Variants in KCNQ1 observed in about 807,000 individuals in gnomAD.
The protein encoded by KCNQ1 is potassium voltage-gated channel subfamily Q member 1.
In KCNQ1, 49 loss-of-function variants were observed where a neutral mutation model predicts 72.4. The observed-to-expected ratio is 0.68, with a 90% CI of 0.54 to 0.86. The LOEUF (loss-of-function observed/expected upper bound fraction) is 0.86. KCNQ1 is among the 40% of genes least tolerant of loss of function. The pLI is 0.00. For synonymous variants in KCNQ1, 450 were observed against 412.6 expected, an observed-to-expected ratio of 1.09 and a Z score of -1.10; for missense variants, 790 against 945.1, an observed-to-expected ratio of 0.84 and a Z score of 2.15.
rs34514246 is a variant in KCNQ1, at chr11:2,651,202, C to CA, written c.1394-10758dup. On this transcript the variant is annotated intron_variant, in intron 10 of 15. Coordinates refer to ENST00000155840, the MANE Select transcript of KCNQ1 (RefSeq NM_000218.3). The surrounding 1 kb of genome is among the most constrained non-coding windows in gnomAD (Gnocchi z 6.1). The stretch of plus-strand genomic sequence containing the variant: ...CTCAAATGTTCCGACAGCTTCCTGT[C>CA]ACCCTGTCTTGTGTCAGTCTCACAG... The CA allele has an allele frequency of 0.094, 37,352 of 398,644 alleles. 1,985 individuals are homozygous for CA. The highest frequency in any genetic ancestry group is 0.15 in the Middle Eastern group (237 of 1,588). The allele number at this position is 398,644 out of a possible 1,614,324, so 24.7% of individuals were successfully genotyped here. A position where few individuals can be genotyped will look rare whatever the true frequency, so the allele number is the denominator to read the frequency against.
In KCNQ1 at chr11:2,483,770, G is replaced by A. The variant is rs138003222; in HGVS notation, c.386+38286G>A. On this transcript the variant is annotated intron_variant, in intron 1 of 15. Transcript: ENST00000155840. The surrounding 1 kb of genome is among the most constrained non-coding windows in gnomAD (Gnocchi z 6.1). ...GTGTGAGGTCAGCATGTCTTAGGGC[G>A]GGTTCATTTGACCTTGACCACTCAG... Among the ~76,000 whole-genome samples the A allele has an allele frequency of 1.5e-3, 226 of 152,232 alleles. No individual in the cohort carries two copies. Among genetic ancestry groups the A allele is most frequent in the African/African-American group, 5.1e-3 (213 of 41,538 alleles).
intron 11 of KCNQ1, among the ~76,000 whole-genome samples, chr11:2,733,814 A>ACACACTCTCTCTCTCT: frequency 1.2e-5 from 1 of 86,614 alleles, no homozygotes; most frequent in South Asian, 3.8e-4. Context: ...ACACACACAC[A>ACACACTCTCTCTCTCT]CTCTCTCACT....
chr11:2,539,825 G>A (rs1023399757), intron 2 of KCNQ1, among the ~76,000 whole-genome samples: 18 of 152,246 alleles, frequency 1.2e-4, no homozygotes, highest in African/African-American at 4.3e-4. Context: ...CCTGAGGGCT[G>A]GAAAGAGCCT....
intron 10 of KCNQ1, chr11:2,609,248 C>T (rs1263572954): frequency 3.8e-5 from 15 of 398,086 alleles, no homozygotes; most frequent in East Asian, 7.1e-5. Context: ...TCTCAAAGTA[C>T]GTTCCATTTC....
rs962785100 is a variant in KCNQ1 at position 2,724,749 on chromosome 11, G to C, written c.1515-44095G>C. Among the ~76,000 whole-genome samples, 1 of 152,210 alleles carries C rather than the reference G, an allele frequency of 6.6e-6. No individual in the cohort carries two copies. The highest frequency in any genetic ancestry group is 6.5e-5 in the Admixed American group (1 of 15,276). On this transcript the variant is annotated intron_variant, in intron 11 of 15. Transcript: ENST00000155840. This position sits in a 1 kb window ranked among gnomAD's most constrained non-coding sequence, Gnocchi z 6.8. ...AGGAGACACAGGCAACAGAACCAGG[G>C]CTCAGAGTTGGGGGAAGGGGCCAGT...
In KCNQ1 at chr11:2,450,107, G is replaced by A. The variant is rs971655973; in HGVS notation, c.386+4623G>A. Reference sequence around the variant, plus strand: ...CACCCGCCTTGTCTGGGAGGTGGACGAGCCCTCCGTAGCCCTGACATTCCA... The same window carrying A: ...CACCCGCCTTGTCTGGGAGGTGGACAAGCCCTCCGTAGCCCTGACATTCCA... On this transcript the variant is annotated intron_variant, in intron 1 of 15. Coordinates refer to ENST00000155840, the MANE Select transcript of KCNQ1 (RefSeq NM_000218.3). The surrounding 1 kb of genome is among the most constrained non-coding windows in gnomAD (Gnocchi z 7.9). Among the ~76,000 whole-genome samples the A allele has an allele frequency of 2.0e-5, 3 of 152,172 alleles. No individual in the cohort carries two copies. Among genetic ancestry groups the A allele is most frequent in the African/African-American group, 7.2e-5 (3 of 41,434 alleles).
At chr11:2,594,654 T>C (rs1848711684) in intron 10 of KCNQ1, among the ~76,000 whole-genome samples, 1 of 152,242 alleles carries the variant, frequency 6.6e-6, no homozygotes, top group Non-Finnish European at 1.5e-5. Context: ...GATGTTTCTG[T>C]TCCACTGCTT....
intron 15 of KCNQ1, among the ~76,000 whole-genome samples, chr11:2,812,319 C>T (rs1273617662): frequency 6.6e-6 from 1 of 152,204 alleles, no homozygotes; most frequent in African/African-American, 2.4e-5. Context: ...CCCTCCTTCC[C>T]TCCCTCTCTG....
intron 15 of KCNQ1, among the ~76,000 whole-genome samples, chr11:2,793,390 C>CT (rs1554923518): frequency 1.5e-5 from 2 of 129,896 alleles, no homozygotes; most frequent in Admixed American, 7.3e-5. Context: ...GAGGCCAAGA[C>CT]GGGGGGATGG....
rs1850245945 is a variant in KCNQ1, at chr11:2,674,255, C to T, written c.1514+12174C>T. On this transcript the variant is annotated intron_variant, in intron 11 of 15. Coordinates refer to ENST00000155840, the MANE Select transcript of KCNQ1 (RefSeq NM_000218.3). The surrounding 1 kb of genome is among the most constrained non-coding windows in gnomAD (Gnocchi z 5.9). ...TGTGAGCAGAGCTGGAGGCCCCTCT[C>T]TCCCAGCCCCCGGCACACACACTAG... 3 of 398,744 alleles carry T rather than the reference C, an allele frequency of 7.5e-6. No homozygotes were observed. The highest frequency in any genetic ancestry group is 1.3e-5 in the Non-Finnish European group (3 of 226,154). The allele number at this position is 398,744 out of a possible 1,614,324, so 24.7% of individuals were successfully genotyped here.
rs1480324384 is a variant in KCNQ1, at chr11:2,544,475, C to G, written c.477+16457C>G. On this transcript the variant is annotated intron_variant, in intron 2 of 15. Transcript: ENST00000155840. This position sits in a 1 kb window ranked among gnomAD's most constrained non-coding sequence, Gnocchi z 4.4. ...TATATCTCTTATAAGGGTTATATAT[C>G]TCATATACATATGAGGTTATATACC... Among the ~76,000 whole-genome samples, 2 of 151,140 alleles carry G rather than the reference C, an allele frequency of 1.3e-5. No homozygotes were observed. The highest frequency in any genetic ancestry group is 2.9e-5 in the Non-Finnish European group (2 of 67,872).
chr11:2,687,632 C>A lies in KCNQ1; in HGVS notation c.1514+25551C>A, dbSNP rs751165372. 2.0e-4 allele frequency: 78 copies of A among 398,584 alleles called. No homozygotes were observed. The highest frequency in any genetic ancestry group is 3.1e-4 in the Non-Finnish European group (71 of 226,138). The allele number at this position is 398,584 out of a possible 1,614,324, so 24.7% of individuals were successfully genotyped here. A position where few individuals can be genotyped will look rare whatever the true frequency, so the allele number is the denominator to read the frequency against. ...AGATCCCTTCTCCATTCCTCTCAGG[C>A]CCCTGTAAAAATTGGGACCTGTCCT... On this transcript the variant is annotated intron_variant, in intron 11 of 15. Coordinates refer to ENST00000155840, the MANE Select transcript of KCNQ1 (RefSeq NM_000218.3). This position sits in a 1 kb window ranked among gnomAD's most constrained non-coding sequence, Gnocchi z 5.0.
In KCNQ1 at chr11:2,595,864, A is replaced by G. The variant is rs1848726333; in HGVS notation, c.1393+7010A>G. On this transcript the variant is annotated intron_variant, in intron 10 of 15. Transcript: ENST00000155840. This position sits in a 1 kb window ranked among gnomAD's most constrained non-coding sequence, Gnocchi z 5.0. Reference sequence around the variant, plus strand: ...ATGAATCTGGGCAAAGTAAATTGAAAACATTTTAGAAAATAATCACCATTC... The same window carrying G: ...ATGAATCTGGGCAAAGTAAATTGAAGACATTTTAGAAAATAATCACCATTC... Among the ~76,000 whole-genome samples the G allele has an allele frequency of 6.6e-6, 1 of 152,244 alleles. No homozygotes were observed. The highest frequency in any genetic ancestry group is 1.5e-5 in the Non-Finnish European group (1 of 68,038).
At chr11:2,578,221 G>A (rs543402785) in intron 6 of KCNQ1, among the ~76,000 whole-genome samples, 2 of 152,330 alleles carry the variant, frequency 1.3e-5, no homozygotes, top group Admixed American at 6.5e-5. Flanking sequence ...CCCGAGAGGG[G>A]GAAACTGAGG....
chr11:2,511,757 T>C (rs1324471144), intron 1 of KCNQ1, among the ~76,000 whole-genome samples: 2 of 152,110 alleles, frequency 1.3e-5, no homozygotes, highest in African/African-American at 2.4e-5. Context: ...CCAGGCCTAG[T>C]GGAATTGTGG....
rs1270797323 is a variant in KCNQ1, at chr11:2,824,297, G to T, written c.1795-23470G>T. 1.3e-5 allele frequency among the ~76,000 whole-genome samples: 2 copies of T among 152,256 alleles called. No homozygotes were observed. Among genetic ancestry groups the T allele is most frequent in the East Asian group, 3.9e-4 (2 of 5,174 alleles). On this transcript the variant is annotated intron_variant, in intron 15 of 15. Transcript: ENST00000155840. This position sits in a 1 kb window ranked among gnomAD's most constrained non-coding sequence, Gnocchi z 5.9. ...TGGGAGGAGGGAGGCTAGGCCCAGG[G>T]GTGGAAAGAAGACAGATACGAGAGG...
rs1846900601 is a variant in KCNQ1 at position 2,785,827 on chromosome 11, A to G, written c.1794+7790A>G. Among the ~76,000 whole-genome samples, 1 of 152,076 alleles carries G rather than the reference A, an allele frequency of 6.6e-6. No homozygotes were observed. Among genetic ancestry groups the G allele is most frequent in the South Asian group, 2.1e-4 (1 of 4,826 alleles). Reference sequence around the variant, plus strand: ...ACCATCCTTGGAAAGGTTAACCTAGAACATTTTAAATGAATATATATCAGA... The same window carrying G: ...ACCATCCTTGGAAAGGTTAACCTAGGACATTTTAAATGAATATATATCAGA... On this transcript the variant is annotated intron_variant, in intron 15 of 15. Transcript: ENST00000155840. The surrounding 1 kb of genome is among the most constrained non-coding windows in gnomAD (Gnocchi z 4.4).
Position 2,652,674 on chromosome 11 carries a change from T to C in KCNQ1, c.1394-9287T>C. 2.5e-6 allele frequency: 1 copy of C among 398,776 alleles called. No homozygotes were observed. The highest frequency in any genetic ancestry group is 4.4e-5 in the Admixed American group (1 of 22,746). 24.7% of individuals were successfully genotyped at this position (398,776 alleles called of 1,614,324 possible). A position where few individuals can be genotyped will look rare whatever the true frequency, so the allele number is the denominator to read the frequency against. On this transcript the variant is annotated intron_variant, in intron 10 of 15. Transcript: ENST00000155840. This position sits in a 1 kb window ranked among gnomAD's most constrained non-coding sequence, Gnocchi z 5.9. ...CATGGAGACCCGGGTGGGTCGATTT[T>C]AGTTGTGTGGGTGGCTGTGTTGCTC...
rs1346790993 is a variant in KCNQ1 at position 2,642,105 on chromosome 11, C to G, written c.1394-19856C>G. The G allele has an allele frequency of 2.5e-6, 1 of 398,382 alleles. No homozygotes were observed. Among genetic ancestry groups the G allele is most frequent in the East Asian group, 3.6e-5 (1 of 28,038 alleles). 24.7% of individuals were successfully genotyped at this position (398,382 alleles called of 1,614,324 possible). On this transcript the variant is annotated intron_variant, in intron 10 of 15. Coordinates refer to ENST00000155840, the MANE Select transcript of KCNQ1 (RefSeq NM_000218.3). The surrounding 1 kb of genome is among the most constrained non-coding windows in gnomAD (Gnocchi z 4.3). ...CTCAGAATTGCTGTGGCTATTCCAG[C>G]TCTTTTTTGGTTCCATCTGAATTTT...
Sources: allele counts gnomAD v4.1 joint callset (sites outside exome capture counted in the v4.1 genomes callset), GRCh38; gene constraint gnomAD v4.1.1; non-coding constraint Gnocchi (gnomAD v3.1); transcripts MANE v1.5; gene names NCBI Gene and HGNC (gene_info 2026-07-23, HGNC 2026-07-21).